CD86: variants seen among roughly 807,000 people sequenced by gnomAD.
The protein encoded by CD86 is CD86 molecule.
In CD86, 11 loss-of-function variants were observed where a neutral mutation model predicts 32.1. The observed-to-expected ratio is 0.34, with a 90% CI of 0.22 to 0.57. The LOEUF is 0.57. Ranked by LOEUF, CD86 falls within the 20% of genes least tolerant of loss-of-function variation. The pLI is 0.86. For synonymous variants in CD86, 137 were observed against 135.3 expected (o/e 1.01, Z -0.09); for missense variants, 359 against 398.4 (o/e 0.90, Z 0.84).
At chr3:122,071,961 T>C (rs1199680406) in intron 1 of CD86, among the ~76,000 whole-genome samples, 2 of 146,678 alleles carry the variant, frequency 1.4e-5, no homozygotes, top group Non-Finnish European at 3.0e-5. Flanking sequence ...CTCCTATCTA[T>C]GAGTGAGAAC....
intron 1 of CD86, among the ~76,000 whole-genome samples, chr3:122,090,508 A>ATCCCC (rs2072798475): frequency 6.6e-6 from 1 of 152,152 alleles, no homozygotes; most frequent in Non-Finnish European, 1.5e-5. Context: ...CCTCAGTGCA[A>ATCCCC]ATTGGGCAGA....
intron 1 of CD86, chr3:122,078,152 A>C: frequency 3.3e-6 from 2 of 609,874 alleles, no homozygotes; most frequent in Non-Finnish European, 4.1e-6. Context: ...GAGAATGAGT[A>C]AAAGGGATTG....
intron 1 of CD86, among the ~76,000 whole-genome samples, chr3:122,086,046 C>T (rs181744338): frequency 1.3e-4 from 20 of 152,332 alleles, no homozygotes; most frequent in African/African-American, 4.8e-4. Flanking sequence ...TACCTACCAC[C>T]TTCCACACTG....
chr3:122,118,196 C>A, intron 6 of CD86, 103 bp downstream of exon 6: 2 of 924,958 alleles, frequency 2.2e-6, no homozygotes, highest in Admixed American at 1.9e-5. Context: ...CCTCAGCAAA[C>A]CTGAACTAAT....
intron 1 of CD86, among the ~76,000 whole-genome samples, chr3:122,073,484 A>G (rs553376854): frequency 2.6e-5 from 4 of 152,264 alleles, no homozygotes; most frequent in African/African-American, 7.2e-5. Flanking sequence ...TTTTATTCAT[A>G]TAATGGTTGA....
At chr3:122,056,831 A>C (rs1336566353) in intron 1 of CD86, among the ~76,000 whole-genome samples, 1 of 152,224 alleles carries the variant, frequency 6.6e-6, no homozygotes, top group African/African-American at 2.4e-5. Context: ...TTCAAAATTT[A>C]TAATTTTTGT....
At chr3:122,095,759 T>C (rs147945460) in intron 2 of CD86, among the ~76,000 whole-genome samples, 16 of 152,274 alleles carry the variant, frequency 1.1e-4, no homozygotes, top group South Asian at 8.3e-4. Context: ...AATAGATATA[T>C]GTTATCTAGT....
At chr3:122,073,763 C>T (rs1425468886) in intron 1 of CD86, among the ~76,000 whole-genome samples, 1 of 152,182 alleles carries the variant, frequency 6.6e-6, no homozygotes, top group African/African-American at 2.4e-5. Context: ...AATTCAGGAA[C>T]TGTGTTTACG....
chr3:122,110,947 A>G (rs568179002), intron 5 of CD86, among the ~76,000 whole-genome samples: 1 of 152,340 alleles, frequency 6.6e-6, no homozygotes, highest in South Asian at 2.1e-4. Context: ...AAGATTAAGG[A>G]TGTTTCTTCC....
intron 5 of CD86, 108 bp from the exon 6 acceptor site, chr3:122,117,940 C>T (rs2073279139): frequency 1.1e-6 from 1 of 875,504 alleles, no homozygotes; most frequent in East Asian, 2.6e-5. Flanking sequence ...TATATAAAGT[C>T]ACAACAATTT....
At chr3:122,089,899 A>G (rs1424540102) in intron 1 of CD86, among the ~76,000 whole-genome samples, 1 of 152,256 alleles carries the variant, frequency 6.6e-6, no homozygotes, top group African/African-American at 2.4e-5. Context: ...AATAATCTCC[A>G]AGGTAGTCAT....
chr3:122,110,503 G>A (rs979022490), intron 5 of CD86, among the ~76,000 whole-genome samples: 13 of 152,118 alleles, frequency 8.5e-5, no homozygotes, highest in African/African-American at 3.1e-4. Context: ...TATTGCCTCT[G>A]GCCAGCATCT....
chr3:122,099,502 A>G (rs1425529481), intron 2 of CD86, among the ~76,000 whole-genome samples: 1 of 152,244 alleles, frequency 6.6e-6, no homozygotes, highest in Non-Finnish European at 1.5e-5. Flanking sequence ...GAGACAGGAC[A>G]CTGCAGATTT....
At chr3:122,071,691 TC>T (rs2072490167) in intron 1 of CD86, among the ~76,000 whole-genome samples, 1 of 152,054 alleles carries the variant, frequency 6.6e-6, no homozygotes, top group South Asian at 2.1e-4. Flanking sequence ...CTAAACTATA[TC>T]CCAAAGTAGT....
chr3:122,077,031 CTCCTGCT>C (rs754463873), intron 1 of CD86, among the ~76,000 whole-genome samples: 28 of 152,198 alleles, frequency 1.8e-4, no homozygotes, highest in Non-Finnish European at 3.8e-4. Flanking sequence ...CTTTTAATGT[CTCCTGCT>C]TCACAGGACA....
chr3:122,074,520 C>T (rs775201775), intron 1 of CD86, among the ~76,000 whole-genome samples: 8 of 152,160 alleles, frequency 5.3e-5, no homozygotes, highest in Non-Finnish European at 7.4e-5. Flanking sequence ...CCATCAGCAC[C>T]GCCTCCTAGA....
rs201316336 is a variant in CD86, at chr3:122,106,454, T to C, written c.657T>C (p.Ile219=). The C allele has an allele frequency of 2.4e-4, 384 of 1,612,986 alleles. No individual in the cohort carries two copies. The highest frequency in any genetic ancestry group is 3.0e-4 in the Non-Finnish European group (349 of 1,179,286). The part of the protein sequence containing the change: ...DVTSNMTIFC[I]LETDKTRLLS... ...CGAGCAATATGACCATCTTCTGTATTCTGGAAACTGACAAGACGCGGCTTT... is the reference window on the plus strand; with the variant it reads ...CGAGCAATATGACCATCTTCTGTATCCTGGAAACTGACAAGACGCGGCTTT... Residue 219 remains isoleucine, a synonymous_variant, in exon 4 of 7, where the codon ATT becomes ATC. Transcript: ENST00000330540.
intron 1 of CD86, among the ~76,000 whole-genome samples, chr3:122,064,777 A>C (rs186373747): frequency 6.6e-6 from 1 of 152,256 alleles, no homozygotes; most frequent in East Asian, 1.9e-4. Flanking sequence ...TTCAGGAGAG[A>C]GTGAGAAAAT....
intron 3 of CD86, among the ~76,000 whole-genome samples, chr3:122,105,587 T>C (rs2107540692): frequency 6.6e-6 from 1 of 152,336 alleles, no homozygotes. Flanking sequence ...TAAGATCATG[T>C]ATTTTTCCCT....
Sources: allele counts gnomAD v4.1 joint callset (sites outside exome capture counted in the v4.1 genomes callset), GRCh38; gene constraint gnomAD v4.1.1; transcripts MANE v1.5; gene names NCBI Gene and HGNC (gene_info 2026-07-23, HGNC 2026-07-21).